Variants in HDAC9 observed in about 807,000 individuals in gnomAD.
HDAC9 encodes the protein MEF-2 interacting transcription repressor (MITR) protein.
A neutral mutation model predicts 139.4 loss-of-function variants in HDAC9; 41 were observed. The ratio of observed to expected loss-of-function variants is 0.29; its 90% CI spans 0.23 to 0.38. HDAC9 has a LOEUF of 0.38. HDAC9 is among the 10% of genes least tolerant of loss of function. The probability of loss-of-function intolerance (pLI) is 1.00; values close to 1 mark genes in which losing one functional copy is unlikely to be tolerated. For missense variants in HDAC9, 1,147 were observed against 1,297.0 expected (o/e 0.88, Z 1.78); for synonymous variants, 517 against 476.2 (o/e 1.09, Z -1.12).
chr7:18,256,641 T>C (rs10273528), intron 2 of HDAC9, among the ~76,000 whole-genome samples: 2,519 of 152,356 alleles, frequency 0.017, 78 homozygotes, highest in African/African-American at 0.057. Context: ...ATAAAAATTT[T>C]AGTTGCTTTA....
At chr7:18,992,892 T>A (rs1786103719) in intron 25 of HDAC9, among the ~76,000 whole-genome samples, 1 of 152,194 alleles carries the variant, frequency 6.6e-6, no homozygotes, top group African/African-American at 2.4e-5. Context: ...CTTTGCTGGG[T>A]TGATTTTATA....
chr7:18,374,999 A>G (rs1784879403), intron 1 of HDAC9, among the ~76,000 whole-genome samples: 1 of 151,378 alleles, frequency 6.6e-6, no homozygotes, highest in Non-Finnish European at 1.5e-5. Context: ...AGTTATGTAC[A>G]ACACATATCA....
rs1429862822 is a variant in HDAC9, at chr7:18,911,427, C to G, written c.2804-24382C>G. 2.0e-5 allele frequency among the ~76,000 whole-genome samples: 3 copies of G among 151,752 alleles called. No individual in the cohort carries two copies. In the East Asian group the frequency reaches 5.8e-4, roughly 29 times the overall value. ...TTGGATCTCGTCTCCTTTTCTTAGT[C>G]TAGCTAATTGTCAATTTTGTTTATC... On this transcript the variant is annotated intron_variant, in intron 22 of 25. Transcript: ENST00000686413.
chr7:18,575,138 A>G (rs914785841), intron 2 of HDAC9, among the ~76,000 whole-genome samples: 2 of 152,136 alleles, frequency 1.3e-5, no homozygotes, highest in African/African-American at 2.4e-5. Flanking sequence ...AAACTTCTTA[A>G]TTTACTTTTC....
At position 18,727,596 on chromosome 7, in the gene HDAC9, C is replaced by G. The variant is rs114662881; in HGVS notation, c.1748C>G (p.Thr583Arg). 6.3e-7 allele frequency: 1 copy of G among 1,597,500 alleles called. No homozygotes were observed. Among genetic ancestry groups the G allele is most frequent in the Non-Finnish European group, 8.5e-7 (1 of 1,172,976 alleles). The change falls in exon 13 of 26, where the codon ACG (threonine) becomes AGG (arginine). Residue 583 changes from threonine to arginine, a missense_variant. Thr to Arg is a moderately conservative substitution (Grantham distance 71). Coordinates refer to ENST00000686413, the MANE Select transcript of HDAC9 (RefSeq NM_178425.4). ...TGGCAACAGCCTTTCCTGGAACCCA[C>G]GCACACACGTGCGCTCTCTGTGCGC... ...AFMQQPFLEP[T>R]HTRALSVRQA... is the part of the protein sequence containing the mutation.
chr7:18,573,604 G>C (rs983637305), intron 2 of HDAC9, among the ~76,000 whole-genome samples: 6 of 152,252 alleles, frequency 3.9e-5, no homozygotes, highest in African/African-American at 1.4e-4. Context: ...GCGGTGAGGG[G>C]TGTGTGTGTG....
At chr7:18,595,053 A>G (rs1053140367) in intron 6 of HDAC9, among the ~76,000 whole-genome samples, 6 of 152,084 alleles carry the variant, frequency 3.9e-5, no homozygotes, top group Admixed American at 2.0e-4. Flanking sequence ...CACATGCCGA[A>G]GCTATTTTTT....
chr7:18,990,819 C>T (rs112150088), intron 25 of HDAC9, among the ~76,000 whole-genome samples: 32 of 152,206 alleles, frequency 2.1e-4, no homozygotes, highest in Non-Finnish European at 2.6e-4. Flanking sequence ...TTCCAGGTGC[C>T]GTCTGTCACC....
At chr7:18,211,278 A>G (rs562595269) in intron 2 of HDAC9, among the ~76,000 whole-genome samples, 1 of 152,296 alleles carries the variant, frequency 6.6e-6, no homozygotes, top group African/African-American at 2.4e-5. Context: ...CTATAGTTTC[A>G]ACATGACAAA....
intron 22 of HDAC9, among the ~76,000 whole-genome samples, chr7:18,890,797 A>G (rs1800614034): frequency 6.6e-6 from 1 of 152,234 alleles, no homozygotes; most frequent in Non-Finnish European, 1.5e-5. Context: ...ATAGAAACTT[A>G]TCTTTGATGG....
intron 2 of HDAC9, among the ~76,000 whole-genome samples, chr7:18,511,904 T>A (rs1180486860): frequency 6.6e-6 from 1 of 151,956 alleles, no homozygotes; most frequent in African/African-American, 2.4e-5. Flanking sequence ...GTGGTTTTCA[T>A]ATGCTATTAG....
At chr7:18,284,722 C>G (rs1292793969) in intron 2 of HDAC9, among the ~76,000 whole-genome samples, 2 of 152,026 alleles carry the variant, frequency 1.3e-5, no homozygotes, top group Non-Finnish European at 2.9e-5. Flanking sequence ...GTTGTGAGAA[C>G]TAAAAGAGCT....
chr7:18,492,845 G>A (rs997683508), upstream of HDAC9, among the ~76,000 whole-genome samples: 1 of 151,886 alleles, frequency 6.6e-6, no homozygotes, highest in Non-Finnish European at 1.5e-5. Context: ...ATAGTTGATG[G>A]TTGTTTTGAT....
intron 24 of HDAC9, among the ~76,000 whole-genome samples, chr7:18,958,255 T>A (rs1408839633): frequency 6.6e-6 from 1 of 152,142 alleles, no homozygotes; most frequent in Non-Finnish European, 1.5e-5. Flanking sequence ...ATAGATGGCA[T>A]GCAAGGGTCA....
At chr7:18,152,351 A>T (rs965408103) in intron 1 of HDAC9, among the ~76,000 whole-genome samples, 1 of 152,132 alleles carries the variant, frequency 6.6e-6, no homozygotes, top group Non-Finnish European at 1.5e-5. Flanking sequence ...CGGCAATTGG[A>T]ATTTGCATTA....
intron 2 of HDAC9, among the ~76,000 whole-genome samples, chr7:18,511,902 C>T (rs936025359): frequency 7.3e-5 from 11 of 151,218 alleles, no homozygotes; most frequent in Non-Finnish European, 1.6e-4. Context: ...GAGTGGTTTT[C>T]ATATGCTATT....
At chr7:18,586,709 T>C (rs1482479357) in intron 3 of HDAC9, among the ~76,000 whole-genome samples, 2 of 152,094 alleles carry the variant, frequency 1.3e-5, no homozygotes, top group Non-Finnish European at 2.9e-5. Context: ...ACAAGTGATA[T>C]AAAATATATT....
intron 1 of HDAC9, among the ~76,000 whole-genome samples, chr7:18,436,752 C>G (rs1469710443): frequency 6.6e-6 from 1 of 152,170 alleles, no homozygotes; most frequent in African/African-American, 2.4e-5. Context: ...TCTGTGTTAG[C>G]AGTAGGCAGA....
At chr7:18,674,181 C>G (rs988262345) in intron 12 of HDAC9, among the ~76,000 whole-genome samples, 2 of 152,018 alleles carry the variant, frequency 1.3e-5, no homozygotes, top group Admixed American at 1.3e-4. Context: ...TTCAGCTTTG[C>G]TTTCTCCAGC....
Sources: allele counts gnomAD v4.1 joint callset (sites outside exome capture counted in the v4.1 genomes callset), GRCh38; gene constraint gnomAD v4.1.1; transcripts MANE v1.5; gene names NCBI Gene and HGNC (gene_info 2026-07-23, HGNC 2026-07-21).